Variants in ARID2 observed in about 807,000 individuals in gnomAD.
The protein encoded by ARID2 is AT-rich interactive domain-containing protein 2.
Under a neutral mutation model 184.6 loss-of-function variants are expected in ARID2, and 32 were observed. The observed-to-expected ratio is 0.17, with a 90% confidence interval of 0.13 to 0.23. ARID2 has a LOEUF of 0.23. ARID2 is among the 10% of genes least tolerant of loss of function. The probability of loss-of-function intolerance (pLI) is 1.00; values close to 1 mark genes in which losing one functional copy is unlikely to be tolerated. For synonymous variants in ARID2, 836 were observed against 772.6 expected (o/e 1.08, Z -1.36); for missense variants, 1,696 against 2,197.6 (o/e 0.77, Z 4.56).
intron 18 of ARID2, among the ~76,000 whole-genome samples, chr12:45,892,505 T>C (rs1363057968): frequency 6.6e-6 from 1 of 152,166 alleles, no homozygotes; most frequent in Non-Finnish European, 1.5e-5. Context: ...CACACACATA[T>C]AAACATACAC....
At chr12:45,757,813 T>G (rs1204324495) in intron 3 of ARID2, among the ~76,000 whole-genome samples, 1 of 152,252 alleles carries the variant, frequency 6.6e-6, no homozygotes, top group Admixed American at 6.5e-5. Flanking sequence ...TTTTGTCATG[T>G]GAATGCAGTT....
chr12:45,824,310 A>G (rs1942954396), intron 6 of ARID2, among the ~76,000 whole-genome samples: 1 of 152,136 alleles, frequency 6.6e-6, no homozygotes. Flanking sequence ...ATCTTTTGAG[A>G]TAATCATCAT....
chr12:45,893,964 C>T, intron 20 of ARID2: 1 of 292,068 alleles, frequency 3.4e-6, no homozygotes, highest in Non-Finnish European at 6.2e-6. Flanking sequence ...TCTTACTGAC[C>T]ATATAATTTA....
chr12:45,766,097 T>G (rs531207820), intron 3 of ARID2, among the ~76,000 whole-genome samples: 3 of 152,344 alleles, frequency 2.0e-5, no homozygotes, highest in African/African-American at 7.2e-5. Flanking sequence ...TTTCCAATTT[T>G]TGGTTGTTAC....
At chr12:45,881,708 C>A in intron 16 of ARID2, 1 of 186,200 alleles carries the variant, frequency 5.4e-6, no homozygotes, top group Non-Finnish European at 1.1e-5. Flanking sequence ...CCGTTCTGCC[C>A]CAAGGCTGCC....
At chr12:45,877,091 C>CA (rs35277117) in intron 16 of ARID2, among the ~76,000 whole-genome samples, 8,499 of 56,940 alleles carry the variant, frequency 0.15, 1,312 homozygotes, top group African/African-American at 0.4. Flanking sequence ...GACTCCATCT[C>CA]AAAAAAAAAA....
At chr12:45,763,828 T>C (rs1029516885) in intron 3 of ARID2, among the ~76,000 whole-genome samples, 2 of 152,144 alleles carry the variant, frequency 1.3e-5, no homozygotes, top group Non-Finnish European at 2.9e-5. Flanking sequence ...CTAGAGAATT[T>C]GCAATTTTTA....
chr12:45,759,966 A>G lies in ARID2; in HGVS notation c.284+28652A>G, dbSNP rs148724367. 5.5e-3 allele frequency among the ~76,000 whole-genome samples: 832 copies of G among 152,296 alleles called. 7 individuals carry two copies. The highest frequency in any genetic ancestry group is 0.019 in the African/African-American group (794 of 41,574). Reference sequence around the variant, plus strand: ...TAGTATCTTAAGTATGTTTTAAATGATTCTTATTTTCTGATCTTTTCAAAT... The same window carrying G: ...TAGTATCTTAAGTATGTTTTAAATGGTTCTTATTTTCTGATCTTTTCAAAT... On this transcript the variant is annotated intron_variant, in intron 3 of 20. Coordinates refer to ENST00000334344, the MANE Select transcript of ARID2 (RefSeq NM_152641.4).
rs201754748 is a variant in ARID2 at position 45,735,915 on chromosome 12, C to CT, written c.284+4610dup. On this transcript the variant is annotated intron_variant, in intron 3 of 20. Transcript: ENST00000334344. ...TATAATTCCCAAAAATGTTTATATG[C>CT]TTTTTTTTTGCAGTTAAATTTTCTA... is the stretch of plus-strand genomic sequence containing the variant. 6.8e-4 allele frequency among the ~76,000 whole-genome samples: 103 copies of CT among 151,150 alleles called. 2 individuals carry two copies. The highest frequency in any genetic ancestry group is 2.1e-4 in the South Asian group (1 of 4,790).
Position 45,874,442 on chromosome 12 carries a change from A to G in ARID2, c.4922+13493A>G, listed in dbSNP as rs1943978276. On this transcript the variant is annotated intron_variant, in intron 16 of 20. Transcript: ENST00000334344. The stretch of plus-strand genomic sequence containing the variant: ...CTATCATTTCAACAGTGTTCACAGC[A>G]TCTTCACCAGGAGTAGATTCTACCC... The G allele has an allele frequency of 2.4e-5, 5 of 204,996 alleles. No homozygotes were observed. In the Admixed American group the frequency reaches 2.5e-4, roughly 10 times the overall value. The allele number at this position is 204,996 out of a possible 1,614,324, so 12.7% of individuals were successfully genotyped here.
intron 6 of ARID2, among the ~76,000 whole-genome samples, chr12:45,823,106 T>C (rs1323093020): frequency 6.6e-6 from 1 of 152,056 alleles, no homozygotes; most frequent in Non-Finnish European, 1.5e-5. Context: ...AAAATTGAAA[T>C]AGTATCAAGT....
At chr12:45,760,893 G>A (rs1941665128) in intron 3 of ARID2, among the ~76,000 whole-genome samples, 1 of 151,538 alleles carries the variant, frequency 6.6e-6, no homozygotes, top group Non-Finnish European at 1.5e-5. Flanking sequence ...ATAGGGTCTG[G>A]CTCTGTTGCC....
chr12:45,829,193 C>T (rs1208293856), intron 6 of ARID2, among the ~76,000 whole-genome samples: 1 of 152,000 alleles, frequency 6.6e-6, no homozygotes, highest in East Asian at 1.9e-4. Flanking sequence ...CATAAATCCA[C>T]CAATCATATA....
At chr12:45,731,686 T>A (rs1941004589) in intron 3 of ARID2, among the ~76,000 whole-genome samples, 2 of 152,124 alleles carry the variant, frequency 1.3e-5, no homozygotes, top group South Asian at 4.1e-4. Flanking sequence ...AATTTTTTTC[T>A]TTGTTTTGGA....
chr12:45,859,361 T>TAGCCTACTAA (rs1943704243), intron 15 of ARID2, among the ~76,000 whole-genome samples: 1 of 152,186 alleles, frequency 6.6e-6, no homozygotes, highest in Non-Finnish European at 1.5e-5. Flanking sequence ...TAGTAGGCTA[T>TAGCCTACTAA]ATCATCTAGG....
At chr12:45,791,965 CT>C (rs1054977450) in intron 3 of ARID2, among the ~76,000 whole-genome samples, 1 of 152,110 alleles carries the variant, frequency 6.6e-6, no homozygotes, top group African/African-American at 2.4e-5. Context: ...AGTGCACTTT[CT>C]TTTCCACCCC....
At chr12:45,737,385 A>C (rs1019702047) in intron 3 of ARID2, among the ~76,000 whole-genome samples, 6 of 150,138 alleles carry the variant, frequency 4.0e-5, no homozygotes, top group African/African-American at 1.5e-4. Context: ...TATACCATTG[A>C]TTTGGAGTAA....
Position 45,837,965 on chromosome 12 carries a change from A to G in ARID2, c.1330+258A>G, listed in dbSNP as rs1271749846. On this transcript the variant is annotated intron_variant, in intron 10 of 20. Transcript: ENST00000334344. The stretch of plus-strand genomic sequence containing the variant: ...ATTTTTATTAAATTTGAAATATACA[A>G]CTCTGGAAGAAGCGTAGCTCAATGA... Among the ~76,000 whole-genome samples the G allele has an allele frequency of 2.0e-5, 3 of 152,186 alleles. No homozygotes were observed. In the East Asian group the frequency reaches 5.8e-4, roughly 29 times the overall value.
At chr12:45,868,934 C>T (rs757439991) in intron 16 of ARID2, among the ~76,000 whole-genome samples, 4 of 152,050 alleles carry the variant, frequency 2.6e-5, no homozygotes, top group Non-Finnish European at 4.4e-5. Flanking sequence ...GGCACTGTGC[C>T]GGGTTTTGAA....
Sources: allele counts gnomAD v4.1 joint callset (sites outside exome capture counted in the v4.1 genomes callset), GRCh38; gene constraint gnomAD v4.1.1; transcripts MANE v1.5; gene names NCBI Gene and HGNC (gene_info 2026-07-23, HGNC 2026-07-21).